The following DHTKD1 variants were observed in gnomAD, a reference collection of about 807,000 sequenced individuals.
DHTKD1 encodes 2-oxoadipate dehydrogenase complex component E1.
DHTKD1 carries 78 observed loss-of-function variants against 101.8 expected under a neutral mutation model. The observed-to-expected ratio is 0.77, with a 90% CI of 0.64 to 0.93. The LOEUF (loss-of-function observed/expected upper bound fraction) is 0.93, where lower values mean the gene tolerates loss of function less well. DHTKD1 is among the 40% of genes least tolerant of loss of function. DHTKD1 has a pLI of 0.00. For missense variants in DHTKD1, 1,223 were observed against 1,161.7 expected, an observed-to-expected ratio of 1.05 and a Z score of -0.77; for synonymous variants, 462 against 450.3, an observed-to-expected ratio of 1.03 and a Z score of -0.33.
intron 7 of DHTKD1, among the ~76,000 whole-genome samples, chr10:12,096,537 C>T (rs764608151): frequency 1.3e-5 from 2 of 152,134 alleles, no homozygotes; most frequent in Non-Finnish European, 2.9e-5. Context: ...AGGCGCTTGC[C>T]ACTATGCCTG....
At chr10:12,115,320 C>T (rs896229332) in intron 13 of DHTKD1, among the ~76,000 whole-genome samples, 14 of 152,094 alleles carry the variant, frequency 9.2e-5, no homozygotes, top group Non-Finnish European at 7.4e-5. Context: ...TGGTCTCGAA[C>T]TCCTGGCCTC....
intron 1 of DHTKD1, among the ~76,000 whole-genome samples, chr10:12,075,794 A>G (rs1832717814): frequency 6.6e-6 from 1 of 152,152 alleles, no homozygotes; most frequent in Non-Finnish European, 1.5e-5. Flanking sequence ...ATTCTTTATT[A>G]TAAAGGTAAT....
At chr10:12,095,541 C>T (rs944521630) in intron 7 of DHTKD1, among the ~76,000 whole-genome samples, 5 of 149,848 alleles carry the variant, frequency 3.3e-5, no homozygotes, top group South Asian at 2.1e-4. Context: ...TGGCCAGGCG[C>T]GGTGGCTCAC....
Position 12,120,872 on chromosome 10 carries a change from C to T in DHTKD1, c.2744C>T (p.Ala915Val), listed in dbSNP as rs756509201. Residue 915 changes from alanine to valine, a missense_variant, in exon 17 of 17, where the codon GCC becomes GTC. Transcript: ENST00000263035. ...VHLHQHEDIL[A>V]KTFA ...TTGCACCAGCATGAAGATATCCTCG[C>T]CAAGACCTTCGCTTGATGATGACTT... The T allele has an allele frequency of 3.7e-6, 6 of 1,613,900 alleles. No individual in the cohort carries two copies. The highest frequency in any genetic ancestry group is 5.1e-6 in the Non-Finnish European group (6 of 1,179,870).
At position 12,069,190 on chromosome 10, in the gene DHTKD1, C is replaced by A; in HGVS notation, c.154+3C>A. ...GGGCGCCCTGGAGCGCCCCCCAGGTCGGGGATGGGGCCCGGGCGGTGGGAG... is the reference window on the plus strand; with the variant it reads ...GGGCGCCCTGGAGCGCCCCCCAGGTAGGGGATGGGGCCCGGGCGGTGGGAG... On this transcript the variant is annotated splice_donor_region_variant and intron_variant, in intron 1 of 16. Transcript: ENST00000263035. The A allele has an allele frequency of 6.6e-7, 1 of 1,524,856 alleles. No homozygotes were observed. Among genetic ancestry groups the A allele is most frequent in the South Asian group, 1.2e-5 (1 of 83,562 alleles). The allele number at this position is 1,524,856 out of a possible 1,614,324, so 94.5% of individuals were successfully genotyped here. A position where few individuals can be genotyped will look rare whatever the true frequency, so the allele number is the denominator to read the frequency against.
chr10:12,116,862 G>A (rs1387504245), intron 13 of DHTKD1, among the ~76,000 whole-genome samples: 2 of 151,804 alleles, frequency 1.3e-5, no homozygotes, highest in Admixed American at 6.6e-5. Flanking sequence ...ACCACACCTG[G>A]CCAATTTTTG....
At chr10:12,100,891 C>T (rs1386024201) in intron 9 of DHTKD1, 151 bp from the exon 10 acceptor site, 3 of 776,576 alleles carry the variant, frequency 3.9e-6, no homozygotes, top group Non-Finnish European at 6.2e-6. Context: ...TAACTATAGA[C>T]TTTTGAATAT....
At chr10:12,090,404 CCTTT>C (rs1832970768) in intron 5 of DHTKD1, among the ~76,000 whole-genome samples, 2 of 53,582 alleles carry the variant, frequency 3.7e-5, no homozygotes, top group East Asian at 5.0e-4. Flanking sequence ...TTCCTTCCTT[CCTTT>C]TTTCCTTCCT....
intron 4 of DHTKD1, 31 bp from the exon 5 acceptor site, chr10:12,088,955 A>AT (rs1363968547): frequency 5.0e-6 from 8 of 1,591,432 alleles, no homozygotes; most frequent in African/African-American, 2.7e-5. Context: ...GATGAATGCC[A>AT]TTTTTTTCCT....
intron 1 of DHTKD1, among the ~76,000 whole-genome samples, chr10:12,069,863 G>A (rs77946086): frequency 0.012 from 1,762 of 151,704 alleles, 26 homozygotes; most frequent in East Asian, 0.084. Context: ...TTAATGAGGC[G>A]GAGCTGTGGG....
At position 12,103,258 on chromosome 10, in the gene DHTKD1, C is replaced by T. The variant is rs747343720; in HGVS notation, c.1896+2077C>T. Among the ~76,000 whole-genome samples the T allele has an allele frequency of 1.8e-4, 28 of 152,036 alleles. No individual in the cohort carries two copies. The highest frequency in any genetic ancestry group is 3.9e-4 in the Admixed American group (6 of 15,250). On this transcript the variant is annotated intron_variant, in intron 10 of 16. Transcript: ENST00000263035. The surrounding 1 kb of genome is among the most constrained non-coding windows in gnomAD (Gnocchi z 4.8). The stretch of plus-strand genomic sequence containing the variant: ...AGTAATTTATTATTTAATACCATGT[C>T]CTCTATGTGAAGACCCTGGGAGAAA...
chr10:12,119,997 G>A (rs527527294), intron 15 of DHTKD1, among the ~76,000 whole-genome samples, 185 bp from the exon 16 acceptor site: 65 of 152,110 alleles, frequency 4.3e-4, no homozygotes, highest in African/African-American at 1.5e-3. Flanking sequence ...ATAATTTATC[G>A]AATACTGTAC....
intron 15 of DHTKD1, 63 bp downstream of exon 15, chr10:12,118,981 T>A: frequency 1.4e-6 from 2 of 1,409,676 alleles, no homozygotes; most frequent in Non-Finnish European, 1.9e-6. Context: ...TCAGCTCTTT[T>A]AAATGAAAAG....
At chr10:12,079,958 C>T (rs545218060) in intron 1 of DHTKD1, among the ~76,000 whole-genome samples, 2 of 152,268 alleles carry the variant, frequency 1.3e-5, no homozygotes, top group African/African-American at 4.8e-5. Flanking sequence ...CCTCTCTGTT[C>T]TTTCCTCACT....
At chr10:12,109,402 A>G (rs1833295422) in intron 12 of DHTKD1, among the ~76,000 whole-genome samples, 1 of 151,540 alleles carries the variant, frequency 6.6e-6, no homozygotes, top group Non-Finnish European at 1.5e-5. Flanking sequence ...ATGCAAAACT[A>G]CTAGTTGTTG....
At chr10:12,080,041 G>A (rs1420141533) in intron 1 of DHTKD1, among the ~76,000 whole-genome samples, 1 of 152,188 alleles carries the variant, frequency 6.6e-6, no homozygotes, top group Admixed American at 6.5e-5. Context: ...GGCACTTTGG[G>A]AGGCCGAGGT....
At chr10:12,091,950 G>T (rs565454884) in intron 6 of DHTKD1, among the ~76,000 whole-genome samples, 2 of 151,142 alleles carry the variant, frequency 1.3e-5, no homozygotes, top group African/African-American at 4.9e-5. Context: ...GACCACATGC[G>T]TGCACCACCA....
At position 12,091,610 on chromosome 10, in the gene DHTKD1, T is replaced by A; in HGVS notation, c.1085T>A (p.Leu362Ter). The A allele has an allele frequency of 6.2e-7, 1 of 1,613,742 alleles. No individual in the cohort carries two copies. Among genetic ancestry groups the A allele is most frequent in the African/African-American group, 1.3e-5 (1 of 74,942 alleles). The change falls in exon 6 of 17, where the codon TTG becomes TAG. Residue 362 changes from leucine (L) to a stop codon, truncating the protein, a stop_gained. Coordinates refer to ENST00000263035, the MANE Select transcript of DHTKD1 (RefSeq NM_018706.7). LOFTEE classifies it high-confidence loss of function. ...PHFRIGGSVH[L>*]IVNNQLGYTT... ...TTCAGAATTGGTGGGAGTGTGCATT[T>A]GATTGTTAATAACCAGCTGGGTTAC...
At chr10:12,084,394 CAA>C (rs1202197200) in intron 2 of DHTKD1, 144 bp from the exon 3 acceptor site, 6 of 572,092 alleles carry the variant, frequency 1.0e-5, no homozygotes, top group Non-Finnish European at 1.5e-5. Flanking sequence ...CTGCATATAA[CAA>C]AACAATGCCT....
Sources: gnomAD v4.1 joint callset for allele counts (sites outside exome capture counted in the v4.1 genomes callset) on GRCh38, gnomAD v4.1.1 for gene constraint, Gnocchi (gnomAD v3.1) non-coding constraint, MANE v1.5 for transcripts, NCBI Gene and HGNC (gene_info 2026-07-23, HGNC 2026-07-21) for gene names.